CEP63: variants seen among roughly 807,000 people sequenced by gnomAD.
The protein encoded by CEP63 is centrosomal protein 63.
In CEP63, 84 loss-of-function variants were observed where a neutral mutation model predicts 89.1. The observed-to-expected ratio is 0.94, with a 90% CI of 0.79 to 1.13. The LOEUF (loss-of-function observed/expected upper bound fraction) is 1.13, where lower values mean the gene tolerates loss of function less well. Among genes scored for constraint, CEP63 ranks in the 50% most tolerant of loss-of-function variants. The probability of loss-of-function intolerance (pLI) is 0.00; values close to 1 mark genes in which losing one functional copy is unlikely to be tolerated. For missense variants in CEP63, 838 were observed against 813.3 expected (o/e 1.03, Z -0.37); for synonymous variants, 267 against 272.5 (o/e 0.98, Z 0.20).
chr3:134,608,891 G>A, the CEP63 span: 1 of 1,559,256 alleles, frequency 6.4e-7, no homozygotes, highest in Non-Finnish European at 8.7e-7. Context: ...GGGAGGCAGG[G>A]GCCCAATACA....
chr3:134,702,332 A>T, the CEP63 span, among the ~76,000 whole-genome samples: 2 of 152,024 alleles, frequency 1.3e-5, no homozygotes, highest in South Asian at 4.2e-4. Flanking sequence ...TTAAACTACC[A>T]CTAACATTCT....
intron 3 of CEP63, among the ~76,000 whole-genome samples, chr3:134,529,670 T>G (rs1220584199): frequency 6.6e-6 from 1 of 151,426 alleles, no homozygotes; most frequent in Non-Finnish European, 1.5e-5. Flanking sequence ...TACATTTATT[T>G]TCTTCTTTTC....
the CEP63 span, among the ~76,000 whole-genome samples, chr3:134,613,533 C>T: frequency 2.6e-5 from 4 of 152,184 alleles, no homozygotes; most frequent in African/African-American, 4.8e-5. Flanking sequence ...TCTAGAGTGA[C>T]CTTGCCAGGC....
the CEP63 span, among the ~76,000 whole-genome samples, chr3:134,753,806 G>C: frequency 6.6e-6 from 1 of 152,202 alleles, no homozygotes; most frequent in Non-Finnish European, 1.5e-5. Context: ...CACAGAGCTA[G>C]ACAGAACAGA....
At chr3:134,748,953 C>T in the CEP63 span, among the ~76,000 whole-genome samples, 1 of 152,142 alleles carries the variant, frequency 6.6e-6, no homozygotes, top group Non-Finnish European at 1.5e-5. Flanking sequence ...GGGTCTTAAA[C>T]CAGCCCCTGT....
At chr3:134,643,470 G>T in the CEP63 span, 2 of 1,038,476 alleles carry the variant, frequency 1.9e-6, no homozygotes, top group Non-Finnish European at 2.9e-6. Flanking sequence ...GGAAAGGTGG[G>T]CTGGCGGGGG....
At chr3:134,753,236 G>A in the CEP63 span, among the ~76,000 whole-genome samples, 9 of 152,226 alleles carry the variant, frequency 5.9e-5, no homozygotes, top group South Asian at 1.7e-3. Flanking sequence ...TATACAGACC[G>A]TGTCTACTCG....
At chr3:134,776,165 C>T in the CEP63 span, among the ~76,000 whole-genome samples, 1 of 152,222 alleles carries the variant, frequency 6.6e-6, no homozygotes, top group South Asian at 2.1e-4. Context: ...TTGACATCCA[C>T]CTAATTTTTG....
At chr3:134,778,283 G>A in the CEP63 span, among the ~76,000 whole-genome samples, 1 of 150,960 alleles carries the variant, frequency 6.6e-6, no homozygotes. Context: ...TTTTAGTAGA[G>A]ACGGGGTTTC....
At chr3:134,611,748 G>C in the CEP63 span, among the ~76,000 whole-genome samples, 1 of 152,168 alleles carries the variant, frequency 6.6e-6, no homozygotes, top group African/African-American at 2.4e-5. Flanking sequence ...CAGTGAGATG[G>C]GCCCATGGGG....
chr3:134,559,770 C>T (rs1407888727), intron 14 of CEP63, among the ~76,000 whole-genome samples: 5 of 152,104 alleles, frequency 3.3e-5, no homozygotes, highest in Admixed American at 1.3e-4. Context: ...GAGGCACAGG[C>T]AGTGAAGGAG....
the CEP63 span, among the ~76,000 whole-genome samples, chr3:134,701,384 GTA>G: frequency 3.0e-4 from 12 of 39,724 alleles, 1 homozygote; most frequent in Admixed American, 5.8e-4. Context: ...ACATATATAC[GTA>G]TATATGTGTA....
the CEP63 span, among the ~76,000 whole-genome samples, chr3:134,670,871 G>C: frequency 6.6e-6 from 1 of 152,184 alleles, no homozygotes; most frequent in Non-Finnish European, 1.5e-5. Context: ...GAAACGTGTG[G>C]ATGAACATCT....
chr3:134,536,515 T>C (rs925518852), intron 5 of CEP63: 3 of 155,284 alleles, frequency 1.9e-5, no homozygotes, highest in African/African-American at 7.2e-5. Flanking sequence ...TTACTATTGA[T>C]CCATCATTAA....
the CEP63 span, among the ~76,000 whole-genome samples, chr3:134,746,820 A>C: frequency 6.7e-6 from 1 of 149,074 alleles, no homozygotes; most frequent in Non-Finnish European, 1.5e-5. Context: ...TAGATTCTGG[A>C]TATTAGACCT....
At chr3:134,495,955 T>G (rs775397530) in intron 2 of CEP63, among the ~76,000 whole-genome samples, 1 of 152,240 alleles carries the variant, frequency 6.6e-6, no homozygotes, top group Non-Finnish European at 1.5e-5. Flanking sequence ...TTCTGACATT[T>G]TCTTTATCCA....
the CEP63 span, chr3:134,608,213 T>C: frequency 8.4e-7 from 1 of 1,185,054 alleles, no homozygotes; most frequent in South Asian, 1.6e-5. Context: ...GGCCAGTAGC[T>C]TCTGTTGGGG....
At chr3:134,525,336 A>G (rs1948423311) in intron 3 of CEP63, among the ~76,000 whole-genome samples, 2 of 151,994 alleles carry the variant, frequency 1.3e-5, no homozygotes, top group African/African-American at 2.4e-5. Flanking sequence ...AGATTTGTTG[A>G]TCTTTTTAAT....
chr3:134,729,448 A>G, the CEP63 span, among the ~76,000 whole-genome samples: 1 of 152,210 alleles, frequency 6.6e-6, no homozygotes, highest in Non-Finnish European at 1.5e-5. Flanking sequence ...TAATGCCTGC[A>G]TAGCATTCCA....
Sources: allele counts gnomAD v4.1 joint callset (sites outside exome capture counted in the v4.1 genomes callset), GRCh38; gene constraint gnomAD v4.1.1; transcripts MANE v1.5; gene names NCBI Gene and HGNC (gene_info 2026-07-23, HGNC 2026-07-21).